RBPJ: variants seen among roughly 807,000 people sequenced by gnomAD.
RBPJ encodes the protein recombination signal binding protein for immunoglobulin kappa J region.
Under a neutral mutation model 67.8 loss-of-function variants are expected in RBPJ, and 9 were observed. The observed-to-expected ratio is 0.13, with a 90% CI of 0.08 to 0.23. The LOEUF (loss-of-function observed/expected upper bound fraction) is 0.23. Among genes scored for constraint, RBPJ ranks in the 10% least tolerant of loss-of-function variants. The pLI is 1.00. For synonymous variants in RBPJ, 198 were observed against 203.3 expected, an observed-to-expected ratio of 0.97 and a Z score of 0.22; for missense variants, 305 against 595.6, an observed-to-expected ratio of 0.51 and a Z score of 5.08.
chr4:26,417,509 A>G (rs1473451418), intron 4 of RBPJ, among the ~76,000 whole-genome samples: 1 of 152,230 alleles, frequency 6.6e-6, no homozygotes, highest in African/African-American at 2.4e-5. Flanking sequence ...ACCTAGTAAT[A>G]GGTTAGTACA....
At chr4:26,305,435 T>C (rs185911048) in intron 1 of RBPJ, among the ~76,000 whole-genome samples, 7 of 152,336 alleles carry the variant, frequency 4.6e-5, no homozygotes, top group Non-Finnish European at 1.0e-4. Flanking sequence ...TTAATAATAA[T>C]ACCTTTTGAT....
rs1287932399 is a variant in RBPJ at position 26,264,698 on chromosome 4, A to G, written c.-166-97748A>G. Among the ~76,000 whole-genome samples, 1 of 152,150 alleles carries G rather than the reference A, an allele frequency of 6.6e-6. No individual in the cohort carries two copies. Among genetic ancestry groups the G allele is most frequent in the Non-Finnish European group, 1.5e-5 (1 of 68,032 alleles). ...AAGCACCATGCCCTTGACCTGGCTA[A>G]CTGCTCATTGCTTTGAGTCTCAGCT... On this transcript the variant is annotated intron_variant, in intron 1 of 4. Transcript: ENST00000512351. This position sits in a 1 kb window ranked among gnomAD's most constrained non-coding sequence, Gnocchi z 4.1.
At chr4:26,386,467 T>TA in intron 2 of RBPJ, 76 bp downstream of exon 2, 5 of 945,646 alleles carry the variant, frequency 5.3e-6, no homozygotes, top group Non-Finnish European at 8.0e-6. Context: ...GATATTATAT[T>TA]AATAGGTACC....
At chr4:26,188,045 A>T (rs1717337777) in intron 1 of RBPJ, among the ~76,000 whole-genome samples, 1 of 152,090 alleles carries the variant, frequency 6.6e-6, no homozygotes, top group African/African-American at 2.4e-5. Flanking sequence ...AAATAAAAAT[A>T]AAAATACAAA....
chr4:26,422,796 C>G (rs1158895674), intron 5 of RBPJ, among the ~76,000 whole-genome samples: 3 of 152,160 alleles, frequency 2.0e-5, no homozygotes, highest in African/African-American at 7.2e-5. Flanking sequence ...CCAATCTTAT[C>G]TTCATCTATA....
Position 26,355,485 on chromosome 4 carries a change from C to CAA in RBPJ, c.21-30850_21-30849dup, listed in dbSNP as rs33950714. 3.8e-3 allele frequency among the ~76,000 whole-genome samples: 502 copies of CAA among 131,740 alleles called. 6 individuals carry two copies. The highest frequency in any genetic ancestry group is 0.014 in the African/African-American group (480 of 35,066). 86.4% of individuals were successfully genotyped at this position (131,740 alleles called of 152,430 possible). ...CAACATAGCAAGACTTCATCTCTAC[C>CAA]AAAAAAAAAAAAAAAAAAATGGGTG... On this transcript the variant is annotated intron_variant, in intron 1 of 10. Transcript: ENST00000355476.
chr4:26,370,406 T>C (rs927630800), intron 1 of RBPJ, among the ~76,000 whole-genome samples: 7 of 152,222 alleles, frequency 4.6e-5, no homozygotes, highest in Admixed American at 2.6e-4. Context: ...ATTATTTTCT[T>C]AAACACAGTG....
intron 1 of RBPJ, among the ~76,000 whole-genome samples, chr4:26,249,505 C>CA (rs1175667542): frequency 7.9e-5 from 12 of 151,910 alleles, no homozygotes; most frequent in South Asian, 4.2e-4. Flanking sequence ...ACTAAAAATG[C>CA]AAAAAATTAG....
intron 1 of RBPJ, among the ~76,000 whole-genome samples, chr4:26,207,285 G>A (rs760391941): frequency 1.3e-4 from 20 of 152,028 alleles, no homozygotes; most frequent in Non-Finnish European, 2.2e-4. Context: ...AACCAGGGTG[G>A]GATAATAATG....
At chr4:26,247,850 G>C (rs1261789708) in intron 1 of RBPJ, among the ~76,000 whole-genome samples, 1 of 152,166 alleles carries the variant, frequency 6.6e-6, no homozygotes, top group East Asian at 1.9e-4. Flanking sequence ...GGAGTAGAGA[G>C]GAAGGAGTGC....
chr4:26,355,421 T>G (rs1169810903), intron 1 of RBPJ, among the ~76,000 whole-genome samples: 1 of 149,580 alleles, frequency 6.7e-6, no homozygotes, highest in African/African-American at 2.5e-5. Context: ...AAGGCCAAGG[T>G]AGGATTGCAT....
intron 1 of RBPJ, among the ~76,000 whole-genome samples, chr4:26,326,054 C>T (rs560906786): frequency 6.6e-6 from 1 of 152,002 alleles, no homozygotes; most frequent in East Asian, 1.9e-4. Context: ...ATGATAGAGA[C>T]TCAGCAAAAA....
intron 1 of RBPJ, among the ~76,000 whole-genome samples, chr4:26,214,714 A>AGG (rs1718584964): frequency 4.1e-5 from 4 of 97,384 alleles, no homozygotes; most frequent in Non-Finnish European, 8.8e-5. Flanking sequence ...GGAAGGAAGG[A>AGG]GAGAGAGAGA....
intron 1 of RBPJ, among the ~76,000 whole-genome samples, chr4:26,223,077 C>A (rs1718967679): frequency 6.6e-6 from 1 of 151,678 alleles, no homozygotes; most frequent in Non-Finnish European, 1.5e-5. Context: ...ATCGTGTGAA[C>A]CCGGGAGGCA....
In RBPJ at chr4:26,310,668, T is replaced by C. The variant is rs1167750745; in HGVS notation, c.-166-51778T>C. ...TGACTGTATTTGCCTGTTTTAACTT[T>C]TTTTTTTTTTTTTTTTTGAGACAGA... On this transcript the variant is annotated intron_variant, in intron 1 of 4. Transcript: ENST00000512351. Among the ~76,000 whole-genome samples the C allele has an allele frequency of 6.9e-5, 10 of 145,094 alleles. No homozygotes were observed. In the East Asian group the frequency reaches 2.0e-3, roughly 29 times the overall value.
intron 7 of RBPJ, among the ~76,000 whole-genome samples, chr4:26,427,446 A>G (rs1404622538): frequency 6.6e-6 from 1 of 152,330 alleles, no homozygotes; most frequent in African/African-American, 2.4e-5. Flanking sequence ...GAGATAATAA[A>G]TTTGGGAGTT....
intron 1 of RBPJ, among the ~76,000 whole-genome samples, chr4:26,328,042 TA>T (rs1723830081): frequency 6.6e-6 from 1 of 152,164 alleles, no homozygotes; most frequent in African/African-American, 2.4e-5. Flanking sequence ...AACAAAGGTA[TA>T]TGTTCCCTTT....
At chr4:26,283,547 AAAAAT>A (rs955509862) in intron 1 of RBPJ, among the ~76,000 whole-genome samples, 2 of 152,124 alleles carry the variant, frequency 1.3e-5, no homozygotes, top group African/African-American at 4.8e-5. Flanking sequence ...TCTGTCTCAA[AAAAAT>A]AAAATAAAAT....
chr4:26,146,700 A>C, the RBPJ span, among the ~76,000 whole-genome samples: 3 of 152,228 alleles, frequency 2.0e-5, no homozygotes, highest in African/African-American at 7.2e-5. Flanking sequence ...ACATTAACAC[A>C]TAAGAAAAAT....
Sources: gnomAD v4.1 joint callset for allele counts (sites outside exome capture counted in the v4.1 genomes callset) on GRCh38, gnomAD v4.1.1 for gene constraint, Gnocchi (gnomAD v3.1) non-coding constraint, MANE v1.5 for transcripts, NCBI Gene and HGNC (gene_info 2026-07-23, HGNC 2026-07-21) for gene names.